Variants in ZCWPW2 observed in about 807,000 individuals in gnomAD.
ZCWPW2 encodes the protein zinc finger CW-type PWWP domain protein 2.
In ZCWPW2, 45 loss-of-function variants were observed where a neutral mutation model predicts 46.6. That is an observed-to-expected ratio of 0.96 (90% CI 0.76 to 1.24). The LOEUF is 1.24. Ranked by LOEUF, ZCWPW2 falls within the 50% of genes most tolerant of loss-of-function variation. The pLI is 0.00. For synonymous variants in ZCWPW2, 152 were observed against 137.1 expected (o/e 1.11, Z -0.76); for missense variants, 429 against 403.9 (o/e 1.06, Z -0.53).
At chr3:28,473,423 C>A (rs1191546437) in intron 4 of ZCWPW2, among the ~76,000 whole-genome samples, 1 of 151,602 alleles carries the variant, frequency 6.6e-6, no homozygotes, top group South Asian at 2.1e-4. Flanking sequence ...TGCACTGAGC[C>A]GAAATCATGC....
intron 1 of ZCWPW2, among the ~76,000 whole-genome samples, chr3:28,360,522 G>GA (rs745572155): frequency 0.016 from 1,974 of 122,824 alleles, 35 homozygotes; most frequent in African/African-American, 0.049. Flanking sequence ...GACTTTGTCT[G>GA]AAAAAAAAAA....
chr3:28,474,229 C>T (rs1209458791), intron 4 of ZCWPW2, among the ~76,000 whole-genome samples: 1 of 152,092 alleles, frequency 6.6e-6, no homozygotes, highest in African/African-American at 2.4e-5. Context: ...AAGTGTTCTG[C>T]AAGGTGTGGG....
chr3:28,491,247 G>A (rs940130234), intron 5 of ZCWPW2, among the ~76,000 whole-genome samples: 67 of 152,204 alleles, frequency 4.4e-4, no homozygotes, highest in African/African-American at 1.6e-3. Flanking sequence ...GCTGGATATA[G>A]GAAAGAGGAT....
intron 1 of ZCWPW2, among the ~76,000 whole-genome samples, chr3:28,364,468 T>C (rs1427198176): frequency 1.3e-5 from 2 of 152,134 alleles, no homozygotes; most frequent in Admixed American, 1.3e-4. Context: ...TTCCTCTGGG[T>C]AGATACCCAG....
At chr3:28,515,697 AG>A (rs1362642214) in intron 8 of ZCWPW2, 76 bp downstream of exon 8, 16 of 1,335,220 alleles carry the variant, frequency 1.2e-5, no homozygotes, top group African/African-American at 3.0e-5. Context: ...AGTCCTTTGA[AG>A]GAAAAAAAAA....
chr3:28,349,478 G>A (rs998598726), intron 1 of ZCWPW2, among the ~76,000 whole-genome samples: 1 of 152,138 alleles, frequency 6.6e-6, no homozygotes, highest in African/African-American at 2.4e-5. Flanking sequence ...AATTGCGTAG[G>A]GGTCTGTAAT....
At chr3:28,369,394 G>T (rs1705233650) in intron 1 of ZCWPW2, among the ~76,000 whole-genome samples, 1 of 152,214 alleles carries the variant, frequency 6.6e-6, no homozygotes, top group Non-Finnish European at 1.5e-5. Context: ...CTCAGCTGCA[G>T]GTCTGTTGGA....
At chr3:28,371,998 C>G (rs909642027) in intron 1 of ZCWPW2, among the ~76,000 whole-genome samples, 2 of 151,510 alleles carry the variant, frequency 1.3e-5, no homozygotes, top group African/African-American at 4.8e-5. Context: ...TCCTGCTCCT[C>G]CTCTTTCTCC....
chr3:28,489,666 G>GCACA (rs757022295), intron 5 of ZCWPW2, among the ~76,000 whole-genome samples: 2 of 147,438 alleles, frequency 1.4e-5, no homozygotes, highest in Admixed American at 6.8e-5. Flanking sequence ...ACACACACGC[G>GCACA]CGCACACACA....
chr3:28,412,909 G>A (rs1183471367), intron 2 of ZCWPW2, 147 bp from the exon 3 acceptor site: 6 of 544,482 alleles, frequency 1.1e-5, no homozygotes, highest in Admixed American at 3.3e-5. Context: ...TGGAAACAAC[G>A]TGTTCAACAT....
intron 4 of ZCWPW2, among the ~76,000 whole-genome samples, chr3:28,437,209 C>T (rs1697536642): frequency 6.6e-6 from 1 of 152,266 alleles, no homozygotes; most frequent in Non-Finnish European, 1.5e-5. Context: ...GTTGTCTGAT[C>T]ACTTTTTCTA....
chr3:28,355,775 G>A (rs1444074318), intron 1 of ZCWPW2, among the ~76,000 whole-genome samples: 1 of 152,244 alleles, frequency 6.6e-6, no homozygotes, highest in Non-Finnish European at 1.5e-5. Context: ...AATAAATGGT[G>A]CTGGGAAAAG....
intron 2 of ZCWPW2, among the ~76,000 whole-genome samples, chr3:28,411,328 T>A (rs1696388455): frequency 6.6e-6 from 1 of 151,942 alleles, no homozygotes; most frequent in Non-Finnish European, 1.5e-5. Flanking sequence ...AAACACCACA[T>A]TATGATTAAT....
intron 2 of ZCWPW2, among the ~76,000 whole-genome samples, chr3:28,411,128 AATT>A (rs1037730206): frequency 1.3e-4 from 19 of 151,974 alleles, no homozygotes; most frequent in African/African-American, 3.9e-4. Context: ...TAAAAATATT[AATT>A]ATTAATAAAC....
At chr3:28,422,282 G>A (rs945925401) in intron 3 of ZCWPW2, among the ~76,000 whole-genome samples, 4 of 152,070 alleles carry the variant, frequency 2.6e-5, no homozygotes, top group Non-Finnish European at 5.9e-5. Context: ...TATAGTCTGT[G>A]AATTTTGACA....
intron 1 of ZCWPW2, among the ~76,000 whole-genome samples, chr3:28,370,445 A>G (rs1266166061): frequency 3.9e-5 from 6 of 152,254 alleles, no homozygotes; most frequent in Admixed American, 2.0e-4. Flanking sequence ...GCTACAAGCA[A>G]TAGCATGGAG....
At chr3:28,426,638 A>G (rs1424676930) in intron 3 of ZCWPW2, among the ~76,000 whole-genome samples, 2 of 152,192 alleles carry the variant, frequency 1.3e-5, no homozygotes, top group African/African-American at 4.8e-5. Flanking sequence ...ATCAATTAAT[A>G]TACTAATAAT....
intron 1 of ZCWPW2, among the ~76,000 whole-genome samples, chr3:28,353,672 G>T (rs760592001): frequency 1.2e-4 from 18 of 151,508 alleles, no homozygotes; most frequent in Non-Finnish European, 2.1e-4. Flanking sequence ...GCTGACAGAG[G>T]TTTTTTTTTC....
intron 4 of ZCWPW2, among the ~76,000 whole-genome samples, chr3:28,456,009 A>G (rs936267485): frequency 2.0e-5 from 3 of 152,092 alleles, no homozygotes; most frequent in African/African-American, 7.2e-5. Flanking sequence ...AGCTTTTTCT[A>G]ATTCTGTGAA....
Sources: allele counts gnomAD v4.1 joint callset (sites outside exome capture counted in the v4.1 genomes callset), GRCh38; gene constraint gnomAD v4.1.1; transcripts MANE v1.5; gene names NCBI Gene and HGNC (gene_info 2026-07-23, HGNC 2026-07-21).